KAZN: variants seen among roughly 807,000 people sequenced by gnomAD.
KAZN encodes kazrin.
A neutral mutation model predicts 87.4 loss-of-function variants in KAZN; 40 were observed. The observed-to-expected ratio is 0.46, with a 90% confidence interval of 0.36 to 0.60. The LOEUF is 0.60. Ranked by LOEUF, KAZN falls within the 20% of genes least tolerant of loss-of-function variation. KAZN has a pLI of 0.00. For synonymous variants in KAZN, 466 were observed against 458.3 expected (o/e 1.02, Z -0.22); for missense variants, 898 against 1,073.9 (o/e 0.84, Z 2.29).
chr1:14,694,445 GTTGATCTCCTCAACTGAAACAT>G, intron 1 of KAZN, among the ~76,000 whole-genome samples: 1 of 152,376 alleles, frequency 6.6e-6, no homozygotes, highest in South Asian at 2.1e-4. Context: ...AGCTGTCTGT[GTTGATCTCCTCAACTGAAACAT>G]TCATTCATTC....
intron 1 of KAZN, among the ~76,000 whole-genome samples, chr1:14,875,416 T>C (rs1484826754): frequency 2.7e-5 from 4 of 150,468 alleles, no homozygotes; most frequent in African/African-American, 9.8e-5. Context: ...GTTGTTGTTA[T>C]CATTTATTGG....
At chr1:14,582,007 ATGT>A (rs1233412700) in intron 2 of KAZN, among the ~76,000 whole-genome samples, 1 of 152,026 alleles carries the variant, frequency 6.6e-6, no homozygotes, top group Admixed American at 6.5e-5. Flanking sequence ...CCAGACTAGA[ATGT>A]AAGCTCCAAA....
chr1:15,111,497 C>G (rs982520201), intron 13 of KAZN, among the ~76,000 whole-genome samples: 3 of 152,110 alleles, frequency 2.0e-5, no homozygotes, highest in Admixed American at 6.5e-5. Context: ...AGGCTGGTCT[C>G]GAACTCCTGG....
intron 2 of KAZN, among the ~76,000 whole-genome samples, chr1:14,971,462 G>A (rs908388353): frequency 3.9e-5 from 6 of 152,238 alleles, no homozygotes; most frequent in East Asian, 1.9e-4. Context: ...TGGAGCCAAA[G>A]CTTGATCCCT....
At chr1:15,031,579 T>C (rs898494260) in intron 2 of KAZN, among the ~76,000 whole-genome samples, 1 of 151,906 alleles carries the variant, frequency 6.6e-6, no homozygotes, top group Non-Finnish European at 1.5e-5. Context: ...TGTGTTGTGT[T>C]GTGTTGTGTT....
chr1:14,251,185 G>C (rs1649999389), intron 2 of KAZN, among the ~76,000 whole-genome samples: 1 of 152,126 alleles, frequency 6.6e-6, no homozygotes, highest in Non-Finnish European at 1.5e-5. Context: ...GGGGAACATT[G>C]ACATTGCCAA....
chr1:14,327,310 C>T (rs747380246), intron 2 of KAZN, among the ~76,000 whole-genome samples: 1 of 152,152 alleles, frequency 6.6e-6, no homozygotes, highest in Non-Finnish European at 1.5e-5. Flanking sequence ...AGGTTGGAAA[C>T]CTCTGACCAC....
intron 1 of KAZN, among the ~76,000 whole-genome samples, chr1:14,756,158 A>G (rs1644559032): frequency 6.6e-6 from 1 of 152,210 alleles, no homozygotes; most frequent in South Asian, 2.1e-4. Context: ...GATAGAAACC[A>G]GCTGGCCCAG....
At chr1:14,959,706 G>A (rs1051683788) in intron 1 of KAZN, among the ~76,000 whole-genome samples, 10 of 152,158 alleles carry the variant, frequency 6.6e-5, no homozygotes, top group Admixed American at 1.3e-4. Context: ...AGAGGTACAC[G>A]TAGCCTGGCG....
chr1:15,101,776 T>G lies in KAZN; in HGVS notation c.1779+2T>G. The stretch of plus-strand genomic sequence containing the variant: ...TACCAAGTGAACTTCAGCAGGGAGG[T>G]GAGGACCAGGGCACAGGGTGGGGGC... On this transcript the variant is annotated splice_donor_variant, in intron 11 of 14. Transcript: ENST00000376030. LOFTEE classifies it high-confidence loss of function. The G allele has an allele frequency of 6.4e-7, 1 of 1,567,314 alleles. No homozygotes were observed. The highest frequency in any genetic ancestry group is 8.7e-7 in the Non-Finnish European group (1 of 1,155,482).
chr1:14,585,302 T>G, intron 2 of KAZN, among the ~76,000 whole-genome samples: 1 of 152,210 alleles, frequency 6.6e-6, no homozygotes, highest in Non-Finnish European at 1.5e-5. Flanking sequence ...CATGTGTTAG[T>G]CAGCTTTTGC....
intron 1 of KAZN, among the ~76,000 whole-genome samples, chr1:14,942,441 G>T (rs1398148798): frequency 6.6e-6 from 1 of 152,194 alleles, no homozygotes; most frequent in African/African-American, 2.4e-5. Context: ...GTAGATGAAA[G>T]AAACGCTTCC....
chr1:14,920,362 C>G (rs1466233759), intron 1 of KAZN, among the ~76,000 whole-genome samples: 1 of 144,982 alleles, frequency 6.9e-6, no homozygotes, highest in East Asian at 2.1e-4. Context: ...GAGCCCAGAA[C>G]CAGAGCAGCC....
intron 2 of KAZN, among the ~76,000 whole-genome samples, chr1:14,559,028 T>C (rs973301166): frequency 1.3e-5 from 2 of 152,164 alleles, no homozygotes; most frequent in African/African-American, 4.8e-5. Flanking sequence ...CTAGCTCCAA[T>C]GAAATGAAAT....
intron 5 of KAZN, among the ~76,000 whole-genome samples, chr1:15,057,830 G>C (rs1057270289): frequency 6.6e-6 from 1 of 152,194 alleles, no homozygotes; most frequent in African/African-American, 2.4e-5. Flanking sequence ...AGGCAGACAG[G>C]GCTTGGGCAG....
intron 1 of KAZN, among the ~76,000 whole-genome samples, chr1:14,840,323 A>T (rs922733387): frequency 6.6e-6 from 1 of 152,130 alleles, no homozygotes; most frequent in Non-Finnish European, 1.5e-5. Flanking sequence ...AAATCATCTC[A>T]TTTCAACCTT....
intron 2 of KAZN, among the ~76,000 whole-genome samples, chr1:14,202,116 C>T (rs1460326410): frequency 6.6e-6 from 1 of 152,170 alleles, no homozygotes; most frequent in Non-Finnish European, 1.5e-5. Flanking sequence ...CAGATGGAAA[C>T]TAGAGCAAGA....
chr1:14,617,473 T>G (rs1383745800), intron 1 of KAZN, among the ~76,000 whole-genome samples: 1 of 152,162 alleles, frequency 6.6e-6, no homozygotes, highest in Non-Finnish European at 1.5e-5. Context: ...TGAGAGGGGT[T>G]ACCACAAACC....
chr1:14,630,224 C>T (rs1679460512), intron 1 of KAZN, among the ~76,000 whole-genome samples: 1 of 152,198 alleles, frequency 6.6e-6, no homozygotes. Flanking sequence ...CCAGCTCGGT[C>T]CTGATGCCGT....
Sources: allele counts gnomAD v4.1 joint callset (sites outside exome capture counted in the v4.1 genomes callset), GRCh38; gene constraint gnomAD v4.1.1; transcripts MANE v1.5; gene names NCBI Gene and HGNC (gene_info 2026-07-23, HGNC 2026-07-21).